CCT2: variants seen among roughly 807,000 people sequenced by gnomAD.
CCT2 encodes the protein chaperonin containing TCP1 subunit 2.
CCT2 carries 18 observed loss-of-function variants against 61.8 expected under a neutral mutation model. The ratio of observed to expected loss-of-function variants is 0.29; its 90% CI spans 0.20 to 0.43. The LOEUF is 0.43. Ranked by LOEUF, CCT2 falls within the 20% of genes least tolerant of loss-of-function variation. The pLI is 1.00. For synonymous variants in CCT2, 248 were observed against 215.9 expected, an observed-to-expected ratio of 1.15 and a Z score of -1.30; for missense variants, 556 against 656.9, an observed-to-expected ratio of 0.85 and a Z score of 1.68.
At position 69,589,443 on chromosome 12, in the gene CCT2, G is replaced by A. The variant is rs377665621; in HGVS notation, c.447-42G>A. 5.1e-5 allele frequency: 76 copies of A among 1,477,772 alleles called. 1 individual carries two copies. In the African/African-American group the frequency reaches 6.8e-4, roughly 13 times the overall value. 91.5% of individuals were successfully genotyped at this position (1,477,772 alleles called of 1,614,324 possible). ...TGAATATCTAGATAAATTTTGAAAA[G>A]TAAAGTAGGGTTAATATGTATATTT... On this transcript the variant is annotated intron_variant, in intron 6 of 15. Coordinates refer to ENST00000299300, the MANE Select transcript of CCT2 (RefSeq NM_006431.3).
chr12:69,600,158 A>C (rs1308362686), intron 15 of CCT2, among the ~76,000 whole-genome samples, 154 bp downstream of exon 15: 1 of 152,258 alleles, frequency 6.6e-6, no homozygotes, highest in African/African-American at 2.4e-5. Context: ...TTAACACTTA[A>C]GCCAGAAAAA....
At position 69,601,462 on chromosome 12, in the gene CCT2, G is replaced by T. The variant is rs746247590; in HGVS notation, c.*137G>T. On this transcript the variant is annotated 3_prime_UTR_variant, in exon 16 of 16. Coordinates refer to ENST00000299300, the MANE Select transcript of CCT2 (RefSeq NM_006431.3). ...AAGTTTGGATATTTAGCTGACCTTC[G>T]CTTTAACATAGGTCTAATTTATTTG... 1 of 1,554,508 alleles carries T rather than the reference G, an allele frequency of 6.4e-7. No individual in the cohort carries two copies. The highest frequency in any genetic ancestry group is 8.7e-7 in the Non-Finnish European group (1 of 1,152,484).
chr12:69,590,853 A>AT (rs1476769808), intron 7 of CCT2, among the ~76,000 whole-genome samples: 3 of 151,642 alleles, frequency 2.0e-5, no homozygotes, highest in Non-Finnish European at 4.4e-5. Context: ...AGTAGGTGGG[A>AT]TTACAGGCGT....
At position 69,587,982 on chromosome 12, in the gene CCT2, C is replaced by T. The variant is rs773242699; in HGVS notation, c.309C>T (p.Thr103=). Residue 103 remains threonine (T), a synonymous_variant, in exon 5 of 16, where the codon ACC becomes ACT. Coordinates refer to ENST00000299300, the MANE Select transcript of CCT2 (RefSeq NM_006431.3). ...TTGGTGATGGCACTACCTCTGTTAC[C>T]GTTTTAGCAGCAGAATTATTAAGGG... ...DEVGDGTTSV[T]VLAAELLREA... 2.2e-5 allele frequency: 35 copies of T among 1,613,256 alleles called. No individual in the cohort carries two copies. Among genetic ancestry groups the T allele is most frequent in the African/African-American group, 5.3e-5 (4 of 74,898 alleles).
chr12:69,587,215 C>T (rs866927555), intron 3 of CCT2: 1 of 357,562 alleles, frequency 2.8e-6, no homozygotes, highest in East Asian at 4.8e-5. Flanking sequence ...TTATCCTGTA[C>T]CTTAATTATT....
chr12:69,587,692 C>T (rs1881706466), intron 4 of CCT2, 76 bp downstream of exon 4: 4 of 932,700 alleles, frequency 4.3e-6, no homozygotes, highest in East Asian at 2.5e-5. Flanking sequence ...TATAAATAGG[C>T]TGTGTTGACC....
At chr12:69,593,749 T>C (rs1881905137) in intron 10 of CCT2, 136 bp downstream of exon 10, 1 of 562,516 alleles carries the variant, frequency 1.8e-6, no homozygotes, top group East Asian at 3.0e-5. Context: ...TGGATACCTT[T>C]AATTTAGATA....
chr12:69,600,335 G>A (rs1235187449), intron 15 of CCT2, among the ~76,000 whole-genome samples: 1 of 152,174 alleles, frequency 6.6e-6, no homozygotes, highest in Non-Finnish European at 1.5e-5. Flanking sequence ...TGTAACTAAA[G>A]TGTTCTAGGG....
intron 10 of CCT2, among the ~76,000 whole-genome samples, chr12:69,595,700 A>G (rs1012916073): frequency 1.3e-4 from 20 of 152,036 alleles, no homozygotes; most frequent in Non-Finnish European, 7.4e-5. Context: ...AAAAAAAAAA[A>G]AAAAAAAGAT....
chr12:69,592,126 T>A lies in CCT2; in HGVS notation c.717T>A (p.Ile239=), dbSNP rs1881852266. 3 of 1,590,134 alleles carry A rather than the reference T, an allele frequency of 1.9e-6. No individual in the cohort carries two copies. Among genetic ancestry groups the A allele is most frequent in the Non-Finnish European group, 2.6e-6 (3 of 1,158,458 alleles). ...GAATTGAAAATGCTAAAATTCTTAT[T>A]GCAAATACTGGTATGGATACAGACA... ...PKRIENAKIL[I]ANTGMDTDKI... The change falls in exon 8 of 16, where the codon ATT becomes ATA. Residue 239 remains isoleucine, a synonymous_variant. Coordinates refer to ENST00000299300, the MANE Select transcript of CCT2 (RefSeq NM_006431.3).
At position 69,597,168 on chromosome 12, in the gene CCT2, C is replaced by T. The variant is rs1426802259; in HGVS notation, c.995C>T (p.Ala332Val). Residue 332 changes from alanine (A) to valine (V), a missense_variant, in exon 11 of 16, where the codon GCC (alanine) becomes GTC (valine). Physicochemically the swap from Ala to Val is moderately conservative, Grantham distance 64. Transcript: ENST00000299300. ...TTTATGTTTATAGGTGGTGAAATTG[C>T]CTCTACCTTTGATCACCCAGAACTG... ...RLALVTGGEI[A>V]STFDHPELVK... is the part of the protein sequence containing the mutation. 3 of 1,613,610 alleles carry T rather than the reference C, an allele frequency of 1.9e-6. No individual in the cohort carries two copies. The highest frequency in any genetic ancestry group is 1.1e-5 in the South Asian group (1 of 91,032).
chr12:69,589,032 G>T (rs188179239), intron 6 of CCT2: 26 of 164,428 alleles, frequency 1.6e-4, no homozygotes, highest in Non-Finnish European at 3.0e-4. Context: ...GGGTTCAAGC[G>T]ATTCTCTTGC....
At chr12:69,597,308 C>CT (rs1565802088) in intron 11 of CCT2, 33 bp downstream of exon 11, 5 of 1,609,814 alleles carry the variant, frequency 3.1e-6, no homozygotes, top group Non-Finnish European at 4.2e-6. Flanking sequence ...GTTAGGGTGT[C>CT]TAAATTCTTG....
At chr12:69,594,999 C>T (rs955430010) in intron 10 of CCT2, among the ~76,000 whole-genome samples, 1 of 152,096 alleles carries the variant, frequency 6.6e-6, no homozygotes, top group Admixed American at 6.5e-5. Context: ...ATAAGTTTAA[C>T]ACTTTTCTAG....
At chr12:69,595,199 T>C (rs916360136) in intron 10 of CCT2, among the ~76,000 whole-genome samples, 3 of 152,216 alleles carry the variant, frequency 2.0e-5, no homozygotes, top group Admixed American at 2.0e-4. Flanking sequence ...GAATGATCTC[T>C]TAAGACGTTT....
chr12:69,590,667 A>G (rs1308992884), intron 7 of CCT2, among the ~76,000 whole-genome samples: 1 of 150,374 alleles, frequency 6.7e-6, no homozygotes, highest in African/African-American at 2.4e-5. Context: ...AGAGAGTCAT[A>G]ATTCTGAAAA....
In CCT2 at chr12:69,588,351, A is replaced by G. The variant is rs900469517; in HGVS notation, c.446+89A>G. 6.8e-6 allele frequency: 6 copies of G among 878,712 alleles called. No individual in the cohort carries two copies. In the Admixed American group the frequency reaches 9.0e-5, roughly 13 times the overall value. 54.4% of individuals were successfully genotyped at this position (878,712 alleles called of 1,614,324 possible). ...AGAAATCTATAGGACACTGAAAAGC[A>G]TACACAAAGATCATCTTGCTGCCTC... On this transcript the variant is annotated intron_variant, in intron 6 of 15. Transcript: ENST00000299300.
chr12:69,597,160 T>G lies in CCT2; in HGVS notation c.987T>G (p.Gly329=), dbSNP rs1882015884. Residue 329 remains glycine (G), a synonymous_variant, in exon 11 of 16, where the codon GGT becomes GGG. Coordinates refer to ENST00000299300, the MANE Select transcript of CCT2 (RefSeq NM_006431.3). ...AATACATGTTTATGTTTATAGGTGG[T>G]GAAATTGCCTCTACCTTTGATCACC... The part of the protein sequence containing the change: ...GVERLALVTG[G]EIASTFDHPE... 1 of 1,613,576 alleles carries G rather than the reference T, an allele frequency of 6.2e-7. No homozygotes were observed. The highest frequency in any genetic ancestry group is 1.1e-5 in the South Asian group (1 of 91,038).
rs368910864 is a variant in CCT2 at position 69,585,515 on chromosome 12, C to G, written c.-7C>G. On this transcript the variant is annotated 5_prime_UTR_variant, in exon 1 of 16. Transcript: ENST00000299300. ...GGATTCACTTGTGTGCGGAACTCCT[C>G]GGAACCATGGTGAGCCTGACTCCCC... 91 of 1,568,320 alleles carry G rather than the reference C, an allele frequency of 5.8e-5. No individual in the cohort carries two copies. Among genetic ancestry groups the G allele is most frequent in the Non-Finnish European group, 6.9e-5 (80 of 1,155,772 alleles).
Sources: allele counts gnomAD v4.1 joint callset (sites outside exome capture counted in the v4.1 genomes callset), GRCh38; gene constraint gnomAD v4.1.1; transcripts MANE v1.5; gene names NCBI Gene and HGNC (gene_info 2026-07-23, HGNC 2026-07-21).